The following PKN3 variants were observed in gnomAD, a reference collection of about 807,000 sequenced individuals.
PKN3 encodes the protein protein kinase N3.
In PKN3, 91 loss-of-function variants were observed where a neutral mutation model predicts 113.1. The observed-to-expected ratio is 0.80, with a 90% confidence interval of 0.68 to 0.96. The LOEUF is 0.96. Ranked by LOEUF, PKN3 falls within the 40% of genes least tolerant of loss-of-function variation. The probability of loss-of-function intolerance (pLI) is 0.00; values close to 1 mark genes in which losing one functional copy is unlikely to be tolerated. For missense variants in PKN3, 1,052 were observed against 1,202.2 expected (o/e 0.88, Z 1.85); for synonymous variants, 467 against 499.0 (o/e 0.94, Z 0.85).
rs1377417745 is a variant in PKN3, at chr9:128,715,362, GC to G, written c.1717-3del. 6.2e-7 allele frequency: 1 copy of G among 1,613,572 alleles called. No homozygotes were observed. The highest frequency in any genetic ancestry group is 8.5e-7 in the Non-Finnish European group (1 of 1,179,540). The stretch of plus-strand genomic sequence containing the variant: ...CCACCTGGAGCACAACCTCTCTCTG[GC>G]CCCAGGTCCTCCTGGTCCAGTTCAA... On this transcript the variant is annotated splice_region_variant and splice_polypyrimidine_tract_variant and intron_variant, in intron 14 of 21. Coordinates refer to ENST00000291906, the MANE Select transcript of PKN3 (RefSeq NM_013355.5). The surrounding 1 kb of genome is among the most constrained non-coding windows in gnomAD (Gnocchi z 4.1).
rs1206031482 is a variant in PKN3, at chr9:128,720,539, T to C, written c.2603T>C (p.Leu868Pro). 5.0e-6 allele frequency: 8 copies of C among 1,613,520 alleles called. No individual in the cohort carries two copies. The South Asian group carries it at 8.8e-5, about 18-fold the overall frequency. ...ALTPPAPHSLLTARQQAAFRD... is the reference protein window; with the variant it reads ...ALTPPAPHSLPTARQQAAFRD... ...ACCCCACCTGCACCCCACAGCCTCC[T>C]CACTGCCCGCCAACAGGCCGCCTTC... The change falls in exon 22 of 22, where the codon CTC becomes CCC. Residue 868 changes from leucine (L) to proline (P), a missense_variant. Transcript: ENST00000291906. The surrounding 1 kb of genome is among the most constrained non-coding windows in gnomAD (Gnocchi z 5.5).
At chr9:128,703,987 G>A in intron 1 of PKN3, 1 of 985,474 alleles carries the variant, frequency 1.0e-6, no homozygotes, top group Non-Finnish European at 1.2e-6. Flanking sequence ...GTGGCCTAGG[G>A]CGGTCAGAGG....
chr9:128,704,337 GTTCCTC>G (rs953721330), intron 1 of PKN3, among the ~76,000 whole-genome samples: 22 of 152,200 alleles, frequency 1.4e-4, no homozygotes, highest in African/African-American at 5.1e-4. Context: ...GACCTCCCCA[GTTCCTC>G]TCTGTGCCTC....
Position 128,720,189 on chromosome 9 carries a change from G to A in PKN3, c.2377-14G>A, listed in dbSNP as rs528199804. The A allele has an allele frequency of 2.5e-5, 40 of 1,612,286 alleles. No individual in the cohort carries two copies. Among genetic ancestry groups the A allele is most frequent in the East Asian group, 2.0e-4 (9 of 44,846 alleles). ...GGCTGAATGCCCTAAGTGAGCGCCTGTCCTATTGCCCAGCTCCTCCAGAAG... is the reference window on the plus strand; with the variant it reads ...GGCTGAATGCCCTAAGTGAGCGCCTATCCTATTGCCCAGCTCCTCCAGAAG... On this transcript the variant is annotated splice_polypyrimidine_tract_variant and intron_variant, in intron 20 of 21. Coordinates refer to ENST00000291906, the MANE Select transcript of PKN3 (RefSeq NM_013355.5). This position sits in a 1 kb window ranked among gnomAD's most constrained non-coding sequence, Gnocchi z 5.5.
Position 128,705,341 on chromosome 9 carries a change from G to C in PKN3, c.63G>C (p.Glu21Asp). 1 of 1,573,046 alleles carries C rather than the reference G, an allele frequency of 6.4e-7. No homozygotes were observed. Among genetic ancestry groups the C allele is most frequent in the South Asian group, 1.2e-5 (1 of 86,076 alleles). Residue 21 changes from glutamate (E) to aspartate (D), a missense_variant, in exon 2 of 22, where the codon GAG (glutamate) becomes GAC (aspartate). By Grantham distance (45) the Glu-to-Asp change is conservative (BLOSUM62 2). This residue lies in a region of PKN3 where 719 missense variants were observed against 759.4 expected (regional missense o/e 0.95). Coordinates refer to ENST00000291906, the MANE Select transcript of PKN3 (RefSeq NM_013355.5). ...PSQWPPEDEKEVIRRAIQKEL... is the reference protein window; with the variant it reads ...PSQWPPEDEKDVIRRAIQKEL... ...AGTGGCCCCCAGAGGATGAGAAGGA[G>C]GTGATCCGCCGGGCCATCCAGAAAG...
intron 6 of PKN3, among the ~76,000 whole-genome samples, chr9:128,707,687 TA>T (rs1255414853): frequency 6.6e-6 from 1 of 152,242 alleles, no homozygotes; most frequent in African/African-American, 2.4e-5. Context: ...TGTATTTACA[TA>T]AATAACCAGA....
chr9:128,703,301 T>G, intron 1 of PKN3: 1 of 900,396 alleles, frequency 1.1e-6, no homozygotes, highest in Non-Finnish European at 1.3e-6. Flanking sequence ...TTAGCCGGGA[T>G]AGAAAGGCGG....
At chr9:128,713,248 C>G (rs752298800) in intron 7 of PKN3, 30 bp from the exon 8 acceptor site, 173 of 1,612,552 alleles carry the variant, frequency 1.1e-4, no homozygotes, top group Non-Finnish European at 1.4e-4. Flanking sequence ...TGCTTCAGGC[C>G]TGCCCTGAGT....
chr9:128,712,917 C>A, intron 6 of PKN3, 135 bp from the exon 7 acceptor site: 1 of 883,444 alleles, frequency 1.1e-6, no homozygotes, highest in Non-Finnish European at 1.7e-6. Context: ...CAGGTAACTG[C>A]CCTGGCCTCA....
chr9:128,711,187 G>A (rs1336371087), intron 6 of PKN3, among the ~76,000 whole-genome samples: 3 of 151,820 alleles, frequency 2.0e-5, no homozygotes, highest in African/African-American at 7.3e-5. Flanking sequence ...TATATTTTCA[G>A]TAGAGATGGG....
intron 6 of PKN3, chr9:128,709,823 G>A (rs543906698): frequency 6.7e-6 from 1 of 150,256 alleles, no homozygotes. Flanking sequence ...CTACTCGGGA[G>A]GCTGAGGTGG....
At chr9:128,712,922 G>C in intron 6 of PKN3, 130 bp from the exon 7 acceptor site, 1 of 927,530 alleles carries the variant, frequency 1.1e-6, no homozygotes, top group South Asian at 1.6e-5. Flanking sequence ...AACTGCCCTG[G>C]CCTCAGGTGG....
Position 128,710,788 on chromosome 9 carries a change from C to T in PKN3, c.836-2264C>T, listed in dbSNP as rs150311540. Reference sequence around the variant, plus strand: ...ATTACAGGCGTGAGCCAACCATGCCCGGCCCAAGGAATGTTTTCTAGAGGA... The same window carrying T: ...ATTACAGGCGTGAGCCAACCATGCCTGGCCCAAGGAATGTTTTCTAGAGGA... On this transcript the variant is annotated intron_variant, in intron 6 of 21. Coordinates refer to ENST00000291906, the MANE Select transcript of PKN3 (RefSeq NM_013355.5). Among the ~76,000 whole-genome samples, 637 of 152,112 alleles carry T rather than the reference C, an allele frequency of 4.2e-3. 1 individual carries two copies. Among genetic ancestry groups the T allele is most frequent in the Admixed American group, 8.8e-3 (134 of 15,266 alleles).
rs766121467 is a variant in PKN3 at position 128,713,170 on chromosome 9, G to A, written c.954G>A (p.Lys318=). 9.3e-6 allele frequency: 15 copies of A among 1,608,856 alleles called. No individual in the cohort carries two copies. In the Admixed American group the frequency reaches 2.5e-4, roughly 27 times the overall value. The stretch of plus-strand genomic sequence containing the variant: ...AGGGCTGGCTTCGGACCAAGGCCAA[G>A]CACCAGCGTGGCCGAGGCGAGCTTG... ...PSEGWLRTKA[K]HQRGRGELAS... is the part of the protein sequence containing the mutation. Residue 318 remains lysine, a synonymous_variant, in exon 7 of 22, where the codon AAG becomes AAA. Transcript: ENST00000291906.
Position 128,715,864 on chromosome 9 carries a change from A to G in PKN3, c.1808+404A>G, listed in dbSNP as rs545867809. On this transcript the variant is annotated intron_variant, in intron 15 of 21. Transcript: ENST00000291906. This position sits in a 1 kb window ranked among gnomAD's most constrained non-coding sequence, Gnocchi z 4.1. ...CCCCATCTATAAAAAATAGCCAGAC[A>G]TGGTGGCATGTGCCTTTAGTCCCAG... is the stretch of plus-strand genomic sequence containing the variant. Among the ~76,000 whole-genome samples, 4 of 152,214 alleles carry G rather than the reference A, an allele frequency of 2.6e-5. No homozygotes were observed. The highest frequency in any genetic ancestry group is 4.1e-4 in the South Asian group (2 of 4,822).
Position 128,713,317 on chromosome 9 carries a change from T to C in PKN3, c.1022T>C (p.Val341Ala), listed in dbSNP as rs1265367962. 6.2e-7 allele frequency: 1 copy of C among 1,614,082 alleles called. No homozygotes were observed. Among genetic ancestry groups the C allele is most frequent in the Admixed American group, 1.7e-5 (1 of 60,028 alleles). The change falls in exon 8 of 22, where the codon GTG (valine) becomes GCG (alanine). Residue 341 changes from valine (V) to alanine (A), a missense_variant. Val to Ala is a moderately conservative substitution (Grantham distance 64, BLOSUM62 0). This residue lies in a region of PKN3 where 719 missense variants were observed against 759.4 expected (regional missense o/e 0.95). Transcript: ENST00000291906. Reference protein sequence around the residue: ...LAVLKVDNRVVGQTGWGQVAE... With the variant: ...LAVLKVDNRVAGQTGWGQVAE... ...GTGCTAAAGGTGGACAACCGTGTTGTGGGGCAGACGGGCTGGGGGCAGGTG... is the reference window on the plus strand; with the variant it reads ...GTGCTAAAGGTGGACAACCGTGTTGCGGGGCAGACGGGCTGGGGGCAGGTG...
chr9:128,715,175 AC>A lies in PKN3; in HGVS notation c.1661del (p.Pro554LeufsTer9). ...PSPPASPTRK[P>X]PRLQDFRCLA... ...TATACCCTCTCTTCCTTTGCAGGAAACCCCCTCGGCTTCAGGACTTCCGCTG... is the reference window on the plus strand; with the variant it reads ...TATACCCTCTCTTCCTTTGCAGGAAACCCCTCGGCTTCAGGACTTCCGCTG... On this transcript the variant is annotated frameshift_variant, in exon 14 of 22. Coordinates refer to ENST00000291906, the MANE Select transcript of PKN3 (RefSeq NM_013355.5). LOFTEE classifies it high-confidence loss of function. This position sits in a 1 kb window ranked among gnomAD's most constrained non-coding sequence, Gnocchi z 4.1. 1 of 1,612,270 alleles carries A rather than the reference AC, an allele frequency of 6.2e-7. No homozygotes were observed. The highest frequency in any genetic ancestry group is 1.1e-5 in the South Asian group (1 of 90,944).
rs761577062 is a variant in PKN3 at position 128,702,883 on chromosome 9, G to A, written c.-33G>A. The A allele has an allele frequency of 1.4e-6, 2 of 1,474,056 alleles. No homozygotes were observed. Among genetic ancestry groups the A allele is most frequent in the Non-Finnish European group, 1.8e-6 (2 of 1,104,712 alleles). 91.3% of individuals were successfully genotyped at this position (1,474,056 alleles called of 1,614,324 possible). A position where few individuals can be genotyped will look rare whatever the true frequency, so the allele number is the denominator to read the frequency against. On this transcript the variant is annotated 5_prime_UTR_variant, in exon 1 of 22. Coordinates refer to ENST00000291906, the MANE Select transcript of PKN3 (RefSeq NM_013355.5). ...TGCGGCTTCCGGGACCGGAGTGGCT[G>A]AGAGAAGGGCCCCAAGCGGCCGGAG...
chr9:128,718,309 A>G lies in PKN3; in HGVS notation c.1986-16A>G, dbSNP rs1862404841. 2 of 1,612,778 alleles carry G rather than the reference A, an allele frequency of 1.2e-6. No individual in the cohort carries two copies. Among genetic ancestry groups the G allele is most frequent in the African/African-American group, 1.3e-5 (1 of 74,816 alleles). On this transcript the variant is annotated splice_polypyrimidine_tract_variant and intron_variant, in intron 16 of 21. Coordinates refer to ENST00000291906, the MANE Select transcript of PKN3 (RefSeq NM_013355.5). ...GTGTGTCTTGGGCCTGAGTTCTCCC[A>G]TAACCACCCCTGCAGCTTCTACGTG...
Sources: gnomAD v4.1 joint callset for allele counts (sites outside exome capture counted in the v4.1 genomes callset) on GRCh38, gnomAD v4.1.1 for gene constraint, gnomAD v4.1.1 regional missense constraint, Gnocchi (gnomAD v3.1) non-coding constraint, MANE v1.5 for transcripts, NCBI Gene and HGNC (gene_info 2026-07-23, HGNC 2026-07-21) for gene names.